ATP2C2: variants seen among roughly 807,000 people sequenced by gnomAD.
ATP2C2 encodes calcium-transporting ATPase type 2C member 2.
Under a neutral mutation model 110.8 loss-of-function variants are expected in ATP2C2, and 171 were observed. That is an observed-to-expected ratio of 1.54 (90% CI 1.36 to 1.75). The LOEUF is 1.75. Ranked by LOEUF, ATP2C2 falls within the 40% of genes most tolerant of loss-of-function variation. The pLI is 0.00. For missense variants in ATP2C2, 1,963 were observed against 1,235.0 expected, an observed-to-expected ratio of 1.59 and a Z score of -8.84; for synonymous variants, 804 against 508.4, an observed-to-expected ratio of 1.58 and a Z score of -7.82.
chr16:84,441,015 T>G, intron 14 of ATP2C2, 57 bp downstream of exon 14: 1 of 1,390,714 alleles, frequency 7.2e-7, no homozygotes, highest in Middle Eastern at 1.8e-4. Context: ...CTTCTGGGGC[T>G]CCTCTCTGAA....
chr16:84,427,498 C>A lies in ATP2C2; in HGVS notation c.986+1697C>A, dbSNP rs1324970975. 7.9e-5 allele frequency among the ~76,000 whole-genome samples: 12 copies of A among 152,124 alleles called. No homozygotes were observed. In the East Asian group the frequency reaches 1.9e-3, roughly 24 times the overall value. ...TTTGGGAGGCCAAGGCAGACGATCA[C>A]CTAAGGTCAGGAGTTCTAGACCAGT... On this transcript the variant is annotated intron_variant, in intron 11 of 26. Transcript: ENST00000262429.
intron 11 of ATP2C2, among the ~76,000 whole-genome samples, chr16:84,430,502 G>A (rs1019719271): frequency 3.9e-5 from 6 of 152,096 alleles, no homozygotes; most frequent in African/African-American, 9.7e-5. Flanking sequence ...TCAGCTAGGC[G>A]TGGTGGCACG....
chr16:84,393,542 A>C (rs1019662072), intron 1 of ATP2C2, among the ~76,000 whole-genome samples: 1 of 152,214 alleles, frequency 6.6e-6, no homozygotes, highest in African/African-American at 2.4e-5. Context: ...GGAAATGAAA[A>C]GATAGAGACA....
chr16:84,371,706 C>T (rs981516393), intron 1 of ATP2C2, among the ~76,000 whole-genome samples: 4 of 152,206 alleles, frequency 2.6e-5, no homozygotes, highest in African/African-American at 9.6e-5. Flanking sequence ...GCAGGTATAG[C>T]CCCAGCCCAC....
chr16:84,442,488 T>C lies in ATP2C2; in HGVS notation c.1312-22T>C, dbSNP rs1909356608. 1.9e-6 allele frequency: 3 copies of C among 1,612,850 alleles called. No homozygotes were observed. The South Asian group carries it at 3.3e-5, about 18-fold the overall frequency. On this transcript the variant is annotated intron_variant, in intron 14 of 26. Transcript: ENST00000262429. ...TCATGAGCCCAGTACTAACTACAGA[T>C]GTCCGGACAATCCCCTTTTAGGCGG... is the stretch of plus-strand genomic sequence containing the variant.
chr16:84,443,822 C>G (rs1204254222), intron 15 of ATP2C2, among the ~76,000 whole-genome samples: 1 of 152,084 alleles, frequency 6.6e-6, no homozygotes, highest in African/African-American at 2.4e-5. Flanking sequence ...GGTGGTCGCC[C>G]TCTCATAAGC....
chr16:84,395,655 G>T (rs1330008622), intron 1 of ATP2C2, among the ~76,000 whole-genome samples: 1 of 151,566 alleles, frequency 6.6e-6, no homozygotes, highest in South Asian at 2.1e-4. Flanking sequence ...GATTACAGAT[G>T]CCTGCCACCA....
intron 1 of ATP2C2, among the ~76,000 whole-genome samples, chr16:84,395,066 G>C (rs1411558246): frequency 6.6e-6 from 1 of 152,096 alleles, no homozygotes; most frequent in East Asian, 1.9e-4. Context: ...ATGGGCATCG[G>C]GCAGTGTCTG....
intron 23 of ATP2C2, chr16:84,460,356 T>C (rs1437239812): frequency 9.5e-6 from 4 of 421,708 alleles, no homozygotes; most frequent in South Asian, 5.4e-5. Context: ...TTGGGGGGGG[T>C]CCCCTCGGGG....
At position 84,460,347 on chromosome 16, in the gene ATP2C2, T is replaced by TG. The variant is rs35446600; in HGVS notation, c.2334-299dup. ...GAGCCTGTTTCTCCAGGCGCAACGT[T>TG]GGGGGGGGTCCCCTCGGGGTGATGG... On this transcript the variant is annotated intron_variant, in intron 23 of 26. Transcript: ENST00000262429. 4.1e-3 allele frequency: 1,600 copies of TG among 388,156 alleles called. 2 individuals carry two copies. The highest frequency in any genetic ancestry group is 0.016 in the South Asian group (642 of 39,178). The allele number at this position is 388,156 out of a possible 1,614,324, so 24.0% of individuals were successfully genotyped here. A position where few individuals can be genotyped will look rare whatever the true frequency, so the allele number is the denominator to read the frequency against.
chr16:84,394,653 G>C (rs779842767), intron 1 of ATP2C2, among the ~76,000 whole-genome samples: 18 of 152,092 alleles, frequency 1.2e-4, no homozygotes, highest in Non-Finnish European at 2.1e-4. Context: ...GGCTCCAGGG[G>C]AGGATCTGTT....
intron 1 of ATP2C2, among the ~76,000 whole-genome samples, chr16:84,370,697 T>G (rs954540032): frequency 1.3e-5 from 2 of 152,018 alleles, no homozygotes; most frequent in African/African-American, 4.8e-5. Flanking sequence ...TTGCGTTATT[T>G]CATACTAGTT....
intron 26 of ATP2C2, chr16:84,462,357 G>A (rs1597894456): frequency 5.4e-6 from 3 of 552,364 alleles, no homozygotes; most frequent in East Asian, 6.3e-5. Context: ...CTCAAGAGTA[G>A]TAGGGTCTGG....
At chr16:84,453,089 G>T (rs190678226) in intron 18 of ATP2C2, 49 bp from the exon 19 acceptor site, 160 of 1,547,432 alleles carry the variant, frequency 1.0e-4, no homozygotes, top group Non-Finnish European at 1.4e-4. Flanking sequence ...GGAGTGAGGG[G>T]TGGGGACGCG....
chr16:84,412,724 C>A (rs1482563974), intron 6 of ATP2C2, among the ~76,000 whole-genome samples: 2 of 152,080 alleles, frequency 1.3e-5, no homozygotes, highest in Non-Finnish European at 2.9e-5. Flanking sequence ...TCTCCCCACC[C>A]CTGCTAACAT....
intron 6 of ATP2C2, among the ~76,000 whole-genome samples, chr16:84,414,323 G>A (rs11149651): frequency 1.3e-5 from 2 of 151,942 alleles, no homozygotes; most frequent in East Asian, 1.9e-4. Context: ...CACCCAGGGC[G>A]TGGTTCTTTC....
chr16:84,428,185 G>C (rs188766616), intron 11 of ATP2C2, among the ~76,000 whole-genome samples: 394 of 152,346 alleles, frequency 2.6e-3, no homozygotes, highest in Middle Eastern at 0.014. Flanking sequence ...AGAGAATCTT[G>C]CTTTAAGGGT....
In ATP2C2 at chr16:84,389,080, T is replaced by C. The variant is rs184950354; in HGVS notation, c.100-9419T>C. Among the ~76,000 whole-genome samples, 430 of 152,274 alleles carry C rather than the reference T, an allele frequency of 2.8e-3. 3 individuals carry two copies. Among genetic ancestry groups the C allele is most frequent in the African/African-American group, 9.4e-3 (391 of 41,538 alleles). On this transcript the variant is annotated intron_variant, in intron 1 of 26. Transcript: ENST00000262429. Reference sequence around the variant, plus strand: ...CCTATATTGTGAAATTCTTGAAGGATTGGGGCTGGAGGATTCACTAGGCCC... The same window carrying C: ...CCTATATTGTGAAATTCTTGAAGGACTGGGGCTGGAGGATTCACTAGGCCC...
At chr16:84,412,480 GTGTA>G (rs1189150634) in intron 6 of ATP2C2, among the ~76,000 whole-genome samples, 1 of 137,918 alleles carries the variant, frequency 7.3e-6, no homozygotes. Flanking sequence ...GTCTGTGCAT[GTGTA>G]TGTGTGCATG....
Sources: gnomAD v4.1 joint callset for allele counts (sites outside exome capture counted in the v4.1 genomes callset) on GRCh38, gnomAD v4.1.1 for gene constraint, MANE v1.5 for transcripts, NCBI Gene and HGNC (gene_info 2026-07-23, HGNC 2026-07-21) for gene names.